Variants in PKN2 observed in about 807,000 individuals in gnomAD.
The protein encoded by PKN2 is serine/threonine-protein kinase N2.
In PKN2, 38 loss-of-function variants were observed where a neutral mutation model predicts 119.1. The observed-to-expected ratio is 0.32, with a 90% CI of 0.25 to 0.42. The LOEUF is 0.42. Among genes scored for constraint, PKN2 ranks in the 10% least tolerant of loss-of-function variants. The probability of loss-of-function intolerance (pLI) is 1.00; values close to 1 mark genes in which losing one functional copy is unlikely to be tolerated. For synonymous variants in PKN2, 390 were observed against 384.9 expected, an observed-to-expected ratio of 1.01 and a Z score of -0.15; for missense variants, 850 against 1,165.1, an observed-to-expected ratio of 0.73 and a Z score of 3.94.
chr1:88,754,572 T>G (rs1462674553), intron 2 of PKN2, among the ~76,000 whole-genome samples: 1 of 152,132 alleles, frequency 6.6e-6, no homozygotes, highest in East Asian at 1.9e-4. Context: ...ATTAGAAAGG[T>G]TTTGAACACA....
At chr1:88,720,551 A>G (rs1003345737) in intron 1 of PKN2, among the ~76,000 whole-genome samples, 1 of 152,166 alleles carries the variant, frequency 6.6e-6, no homozygotes, top group Non-Finnish European at 1.5e-5. Context: ...AGGGGTAAGG[A>G]CTTTTAACTC....
chr1:88,773,896 A>G (rs1570609103), intron 6 of PKN2, among the ~76,000 whole-genome samples: 1 of 152,284 alleles, frequency 6.6e-6, no homozygotes, highest in East Asian at 1.9e-4. Flanking sequence ...CAGTCCCCCC[A>G]CAAAACTGCC....
chr1:88,824,533 T>C (rs1570688930), intron 18 of PKN2, 147 bp downstream of exon 18: 1 of 561,700 alleles, frequency 1.8e-6, no homozygotes, highest in South Asian at 2.5e-5. Context: ...AAAACATTGC[T>C]TATATAACCT....
chr1:88,816,139 A>G (rs1197117603), intron 16 of PKN2, among the ~76,000 whole-genome samples: 2 of 109,094 alleles, frequency 1.8e-5, no homozygotes, highest in African/African-American at 5.8e-5. Flanking sequence ...GACCCCCCCA[A>G]ATTAAAAAAA....
At chr1:88,696,550 C>T (rs1666549490) in intron 1 of PKN2, among the ~76,000 whole-genome samples, 1 of 152,096 alleles carries the variant, frequency 6.6e-6, no homozygotes, top group South Asian at 2.1e-4. Context: ...GCACATAGAC[C>T]ACAGCTGACT....
intron 1 of PKN2, among the ~76,000 whole-genome samples, chr1:88,720,681 G>A (rs910337647): frequency 1.3e-5 from 2 of 152,116 alleles, no homozygotes; most frequent in Admixed American, 6.5e-5. Flanking sequence ...TTGGTTACAT[G>A]GATAAGTTAT....
At chr1:88,743,860 CTT>C (rs1557581892) in intron 2 of PKN2, among the ~76,000 whole-genome samples, 2 of 151,980 alleles carry the variant, frequency 1.3e-5, no homozygotes, top group African/African-American at 4.8e-5. Context: ...AAGCCAGAAA[CTT>C]TTTATACTGA....
intron 3 of PKN2, among the ~76,000 whole-genome samples, chr1:88,766,130 G>C (rs980497491): frequency 1.3e-5 from 2 of 152,038 alleles, no homozygotes; most frequent in South Asian, 2.1e-4. Context: ...ACATTTCTTT[G>C]GAATTTTCTT....
intron 8 of PKN2, among the ~76,000 whole-genome samples, chr1:88,790,410 A>G (rs1460169190): frequency 1.3e-5 from 2 of 152,216 alleles, no homozygotes; most frequent in East Asian, 3.8e-4. Context: ...CGGTTTTGCC[A>G]TTACTTTTGA....
intron 16 of PKN2, among the ~76,000 whole-genome samples, chr1:88,816,149 A>AG (rs1235037506): frequency 6.6e-6 from 1 of 151,670 alleles, no homozygotes. Context: ...AATTAAAAAA[A>AG]AGAGAGAAAT....
intron 3 of PKN2, 31 bp downstream of exon 3, chr1:88,760,407 G>T: frequency 8.1e-7 from 1 of 1,239,590 alleles, no homozygotes; most frequent in Non-Finnish European, 1.1e-6. Context: ...TAACTATATA[G>T]TCAGTCATTA....
intron 16 of PKN2, among the ~76,000 whole-genome samples, chr1:88,814,034 A>C (rs1671884659): frequency 6.6e-6 from 1 of 152,164 alleles, no homozygotes; most frequent in Non-Finnish European, 1.5e-5. Flanking sequence ...TGCCATCCAG[A>C]ATTACAGCTT....
At chr1:88,748,031 T>C (rs17130593) in intron 2 of PKN2, among the ~76,000 whole-genome samples, 16,999 of 152,184 alleles carry the variant, frequency 0.11, 1,971 homozygotes, top group African/African-American at 0.3. Flanking sequence ...TTTGTTTCCT[T>C]GTCTTTAAAA....
At position 88,713,896 on chromosome 1, in the gene PKN2, G is replaced by T. The variant is rs542549810; in HGVS notation, c.49-27092G>T. On this transcript the variant is annotated intron_variant, in intron 1 of 21. Transcript: ENST00000370521. ...GGTATTGCCTAGGTTTTCTTCTAGG[G>T]TTTTTATGGTTGTAGGTCGTCTAAC... is the stretch of plus-strand genomic sequence containing the variant. Among the ~76,000 whole-genome samples the T allele has an allele frequency of 3.2e-4, 48 of 152,292 alleles. 1 individual carries two copies. The highest frequency in any genetic ancestry group is 6.0e-4 in the Non-Finnish European group (41 of 68,022).
chr1:88,829,131 A>G, intron 19 of PKN2: 1 of 736,540 alleles, frequency 1.4e-6, no homozygotes, highest in Non-Finnish European at 2.6e-6. Context: ...AACCTATGGT[A>G]GCTGTGAAGG....
intron 1 of PKN2, among the ~76,000 whole-genome samples, chr1:88,707,580 A>G (rs1667053398): frequency 6.6e-6 from 1 of 152,148 alleles, no homozygotes; most frequent in South Asian, 2.1e-4. Flanking sequence ...TTCTGAGCAA[A>G]CGAATATCTT....
chr1:88,711,049 C>T (rs1485483676), intron 1 of PKN2, among the ~76,000 whole-genome samples: 4 of 152,006 alleles, frequency 2.6e-5, no homozygotes, highest in Non-Finnish European at 5.9e-5. Context: ...GAACAGAAAA[C>T]GAAATACTAC....
chr1:88,724,171 T>C (rs1667804882), intron 1 of PKN2, among the ~76,000 whole-genome samples: 1 of 152,218 alleles, frequency 6.6e-6, no homozygotes, highest in South Asian at 2.1e-4. Context: ...TCAACTCACT[T>C]GCTTTAAGTT....
intron 6 of PKN2, among the ~76,000 whole-genome samples, chr1:88,781,444 C>T (rs963415819): frequency 6.0e-5 from 9 of 148,898 alleles, no homozygotes; most frequent in East Asian, 3.8e-4. Flanking sequence ...GTTTTCCAGA[C>T]AGTTGAAAGA....
Sources: gnomAD v4.1 joint callset for allele counts (sites outside exome capture counted in the v4.1 genomes callset) on GRCh38, gnomAD v4.1.1 for gene constraint, MANE v1.5 for transcripts, NCBI Gene and HGNC (gene_info 2026-07-23, HGNC 2026-07-21) for gene names.